STARD13: variants seen among roughly 807,000 people sequenced by gnomAD.
STARD13 encodes the protein StAR related lipid transfer domain containing 13.
Under a neutral mutation model 106.4 loss-of-function variants are expected in STARD13, and 62 were observed. The ratio of observed to expected loss-of-function variants is 0.58; its 90% CI spans 0.48 to 0.72. The LOEUF (loss-of-function observed/expected upper bound fraction) is 0.72. STARD13 is among the 30% of genes least tolerant of loss of function. The pLI, the probability that STARD13 is intolerant of heterozygous loss-of-function variation, is 0.00. For synonymous variants in STARD13, 565 were observed against 553.0 expected (o/e 1.02, Z -0.31); for missense variants, 1,387 against 1,424.0 (o/e 0.97, Z 0.42).
downstream of STARD13, among the ~76,000 whole-genome samples, chr13:33,346,129 A>G (rs971207170): frequency 3.9e-5 from 6 of 152,318 alleles, no homozygotes; most frequent in South Asian, 1.0e-3. Flanking sequence ...TCAGGCACAC[A>G]GGGCAAGAAA....
intron 1 of STARD13, among the ~76,000 whole-genome samples, chr13:33,291,993 A>G (rs922914024): frequency 6.6e-6 from 1 of 152,152 alleles, no homozygotes; most frequent in Non-Finnish European, 1.5e-5. Flanking sequence ...TCCTCCAGCT[A>G]TTTATTTCTG....
At chr13:33,115,834 T>C (rs1033225480) in intron 8 of STARD13, among the ~76,000 whole-genome samples, 2 of 152,206 alleles carry the variant, frequency 1.3e-5, no homozygotes, top group African/African-American at 4.8e-5. Context: ...TGTGAAGATG[T>C]GATAATTATA....
At chr13:33,290,399 G>A (rs556480280), upstream of STARD13, among the ~76,000 whole-genome samples, 7 of 152,308 alleles carry the variant, frequency 4.6e-5, no homozygotes, top group South Asian at 2.1e-4. Flanking sequence ...GATTTTCACC[G>A]ATTGATTTGT....
intron 3 of STARD13, among the ~76,000 whole-genome samples, chr13:33,163,283 C>T (rs1353028738): frequency 6.6e-6 from 1 of 151,760 alleles, no homozygotes; most frequent in Non-Finnish European, 1.5e-5. Context: ...AGAGCCAAAC[C>T]ATATCAATAA....
chr13:33,582,479 C>G, the STARD13 span, among the ~76,000 whole-genome samples: 1 of 152,110 alleles, frequency 6.6e-6, no homozygotes, highest in South Asian at 2.1e-4. Flanking sequence ...CTGTGCCCAA[C>G]AGAAGAAGGT....
chr13:33,515,199 T>G, the STARD13 span, among the ~76,000 whole-genome samples: 1 of 152,186 alleles, frequency 6.6e-6, no homozygotes, highest in Non-Finnish European at 1.5e-5. Context: ...AGCTCCAATG[T>G]GTGAGAAAAC....
At chr13:33,321,083 A>T (rs1213668108) in intron 1 of STARD13, among the ~76,000 whole-genome samples, 1 of 152,234 alleles carries the variant, frequency 6.6e-6, no homozygotes, top group African/African-American at 2.4e-5. Context: ...TTTGCTAGAA[A>T]TAACATTATT....
the STARD13 span, among the ~76,000 whole-genome samples, chr13:33,522,286 G>A: frequency 6.6e-6 from 1 of 151,940 alleles, no homozygotes; most frequent in African/African-American, 2.4e-5. Context: ...TATGGCACCT[G>A]CTCCACTCAT....
chr13:33,325,379 T>A (rs756163069), intron 1 of STARD13, among the ~76,000 whole-genome samples: 26 of 152,132 alleles, frequency 1.7e-4, no homozygotes, highest in Admixed American at 9.8e-4. Context: ...TGCCCACCAA[T>A]ATCTCCTGAT....
chr13:33,550,603 C>G, the STARD13 span, among the ~76,000 whole-genome samples: 2 of 152,036 alleles, frequency 1.3e-5, no homozygotes, highest in Admixed American at 1.3e-4. Flanking sequence ...TCTTCAAAAC[C>G]TTAACGCTGT....
At chr13:33,377,130 T>C in the STARD13 span, among the ~76,000 whole-genome samples, 1 of 152,222 alleles carries the variant, frequency 6.6e-6, no homozygotes, top group African/African-American at 2.4e-5. Context: ...AATCATTTTG[T>C]TGTTATTGCT....
downstream of STARD13, among the ~76,000 whole-genome samples, chr13:33,345,530 T>C (rs2078008449): frequency 6.6e-6 from 1 of 152,122 alleles, no homozygotes; most frequent in African/African-American, 2.4e-5. Context: ...ACAATTACCA[T>C]CATTATTGTA....
chr13:33,614,523 CAA>C, the STARD13 span, among the ~76,000 whole-genome samples: 1 of 152,076 alleles, frequency 6.6e-6, no homozygotes, highest in East Asian at 1.9e-4. Context: ...CACTGACTGG[CAA>C]AGTCTCAGAG....
chr13:33,559,646 G>A, the STARD13 span, among the ~76,000 whole-genome samples: 1 of 151,446 alleles, frequency 6.6e-6, no homozygotes, highest in East Asian at 1.9e-4. Flanking sequence ...ACAAGGTCAG[G>A]AGTTCAAGAC....
intron 10 of STARD13, 116 bp from the exon 11 acceptor site, chr13:33,111,023 A>T: frequency 1.2e-6 from 1 of 816,798 alleles, no homozygotes; most frequent in Non-Finnish European, 2.0e-6. Flanking sequence ...CGAGGGCCAC[A>T]CGGCCAGAGA....
chr13:33,328,167 T>C (rs1015382367), intron 1 of STARD13, among the ~76,000 whole-genome samples: 2 of 152,250 alleles, frequency 1.3e-5, no homozygotes, highest in Admixed American at 6.5e-5. Flanking sequence ...CATCTATGGC[T>C]TCTAGATTAA....
chr13:33,527,205 C>G, the STARD13 span, among the ~76,000 whole-genome samples: 7 of 151,880 alleles, frequency 4.6e-5, no homozygotes, highest in Non-Finnish European at 8.8e-5. Flanking sequence ...GAATGTAATC[C>G]CTGATTTTTC....
At chr13:33,247,496 A>C (rs887052932) in intron 1 of STARD13, among the ~76,000 whole-genome samples, 8 of 150,736 alleles carry the variant, frequency 5.3e-5, no homozygotes, top group African/African-American at 1.5e-4. Flanking sequence ...CATTTTTTGG[A>C]GCTAGTCTTT....
At chr13:33,384,750 A>T in the STARD13 span, among the ~76,000 whole-genome samples, 2 of 152,142 alleles carry the variant, frequency 1.3e-5, no homozygotes, top group African/African-American at 4.8e-5. Context: ...TGGTACTCAT[A>T]TCCTGCCCAT....
Sources: gnomAD v4.1 joint callset for allele counts (sites outside exome capture counted in the v4.1 genomes callset) on GRCh38, gnomAD v4.1.1 for gene constraint, MANE v1.5 for transcripts, NCBI Gene and HGNC (gene_info 2026-07-23, HGNC 2026-07-21) for gene names.